POU2F3: variants seen among roughly 807,000 people sequenced by gnomAD.
POU2F3 encodes POU domain, class 2, transcription factor 3.
Under a neutral mutation model 59.2 loss-of-function variants are expected in POU2F3, and 23 were observed. The observed-to-expected ratio is 0.39, with a 90% CI of 0.28 to 0.55. POU2F3 has a LOEUF of 0.55. POU2F3 is among the 20% of genes least tolerant of loss of function. POU2F3 has a pLI of 0.66. For synonymous variants in POU2F3, 190 were observed against 214.6 expected (o/e 0.89, Z 1.00); for missense variants, 473 against 544.5 (o/e 0.87, Z 1.31).
intron 10 of POU2F3, among the ~76,000 whole-genome samples, chr11:120,311,956 C>A (rs1941660222): frequency 6.6e-6 from 1 of 151,996 alleles, no homozygotes; most frequent in Non-Finnish European, 1.5e-5. Flanking sequence ...AGGAATGAGC[C>A]CCATAGGAGT....
In POU2F3 at chr11:120,317,059, G is replaced by A. The variant is rs1042774360; in HGVS notation, c.1136-170G>A. 7.4e-5 allele frequency: 53 copies of A among 716,494 alleles called. 1 individual carries two copies. Among genetic ancestry groups the A allele is most frequent in the Middle Eastern group, 3.1e-4 (1 of 3,216 alleles). 44.4% of individuals were successfully genotyped at this position (716,494 alleles called of 1,614,324 possible). A position where few individuals can be genotyped will look rare whatever the true frequency, so the allele number is the denominator to read the frequency against. ...GTGACGACAGCCCCTCTGGGTGTGGGCAGAAGTTGATGCTAATGAGGCAGG... is the reference window on the plus strand; with the variant it reads ...GTGACGACAGCCCCTCTGGGTGTGGACAGAAGTTGATGCTAATGAGGCAGG... On this transcript the variant is annotated intron_variant, in intron 11 of 12. Coordinates refer to ENST00000543440, the MANE Select transcript of POU2F3 (RefSeq NM_014352.4).
upstream of POU2F3, among the ~76,000 whole-genome samples, chr11:120,239,982 G>A (rs980174710): frequency 6.6e-6 from 1 of 152,206 alleles, no homozygotes; most frequent in Admixed American, 6.5e-5. Flanking sequence ...TGTTCCGCGG[G>A]ATCGAGACCC....
At chr11:120,255,314 C>G (rs998965829) in intron 2 of POU2F3, among the ~76,000 whole-genome samples, 5 of 152,162 alleles carry the variant, frequency 3.3e-5, no homozygotes, top group African/African-American at 1.2e-4. Context: ...GGGGGCTTGC[C>G]TTCCCTTCAG....
chr11:120,302,368 G>A lies in POU2F3; in HGVS notation c.444G>A (p.Gln148=). The A allele has an allele frequency of 6.3e-7, 1 of 1,594,870 alleles. No individual in the cohort carries two copies. Among genetic ancestry groups the A allele is most frequent in the East Asian group, 2.2e-5 (1 of 44,778 alleles). ...LPQTGPGLAS[Q]AFGHPGLPGS... ...AGACTGGGCCGGGACTGGCATCCCA[G>A]GTAAACAACCCCATTCTTCCTGTTT... Residue 148 remains glutamine, a splice_region_variant and synonymous_variant, in exon 6 of 13, where the codon CAG becomes CAA. Transcript: ENST00000543440.
At chr11:120,307,903 C>T (rs1941543747) in intron 9 of POU2F3, among the ~76,000 whole-genome samples, 1 of 152,162 alleles carries the variant, frequency 6.6e-6, no homozygotes, top group Non-Finnish European at 1.5e-5. Context: ...GCTATAGGGT[C>T]CCAGAACACA....
chr11:120,298,186 C>G, intron 3 of POU2F3, 79 bp from the exon 4 acceptor site: 1 of 1,498,586 alleles, frequency 6.7e-7, no homozygotes, highest in Non-Finnish European at 9.0e-7. Context: ...CCTTTCCTGC[C>G]TGGATCTTCC....
At chr11:120,255,294 T>A (rs1357178882) in intron 2 of POU2F3, among the ~76,000 whole-genome samples, 1 of 152,146 alleles carries the variant, frequency 6.6e-6, no homozygotes, top group East Asian at 1.9e-4. Context: ...ACACTCCACC[T>A]GCCCCAGTAG....
intron 10 of POU2F3, 86 bp from the exon 11 acceptor site, chr11:120,315,275 G>A (rs1164779410): frequency 3.2e-6 from 4 of 1,253,912 alleles, no homozygotes; most frequent in Non-Finnish European, 4.7e-6. Context: ...TCTCTGTAGA[G>A]TCTGGGGCCT....
chr11:120,288,148 A>AC (rs1555076872), intron 3 of POU2F3, among the ~76,000 whole-genome samples: 17 of 146,474 alleles, frequency 1.2e-4, no homozygotes, highest in Non-Finnish European at 1.9e-4. Flanking sequence ...AAAAAAAAAA[A>AC]CAAGAAAAAA....
At chr11:120,242,134 C>T (rs377498312) in intron 1 of POU2F3, among the ~76,000 whole-genome samples, 2 of 152,180 alleles carry the variant, frequency 1.3e-5, no homozygotes, top group Non-Finnish European at 2.9e-5. Context: ...CCCATTCCCC[C>T]CTCAGGGCTA....
intron 10 of POU2F3, among the ~76,000 whole-genome samples, chr11:120,313,121 T>A (rs1941692547): frequency 6.6e-6 from 1 of 152,138 alleles, no homozygotes; most frequent in Non-Finnish European, 1.5e-5. Context: ...ACTTGGGTCA[T>A]GTCATAGGAA....
At chr11:120,261,080 G>C (rs1939574222) in intron 2 of POU2F3, among the ~76,000 whole-genome samples, 1 of 151,572 alleles carries the variant, frequency 6.6e-6, no homozygotes, top group South Asian at 2.1e-4. Flanking sequence ...AAACAGAAAA[G>C]ATTCCAAGAA....
intron 6 of POU2F3, chr11:120,303,032 C>T (rs981903671): frequency 6.6e-6 from 1 of 152,396 alleles, no homozygotes; most frequent in African/African-American, 2.4e-5. Flanking sequence ...ATCTGGGTGC[C>T]CCTGTACAGT....
intron 3 of POU2F3, among the ~76,000 whole-genome samples, chr11:120,297,777 AT>A (rs1007023061): frequency 3.2e-4 from 49 of 150,782 alleles, no homozygotes; most frequent in African/African-American, 6.6e-4. Context: ...AATTTAATCC[AT>A]TTTTTTTTAA....
At chr11:120,302,101 C>T (rs1941364122) in intron 5 of POU2F3, 185 bp from the exon 6 acceptor site, 2 of 584,694 alleles carry the variant, frequency 3.4e-6, no homozygotes, top group Non-Finnish European at 3.1e-6. Context: ...GATTTGCCTC[C>T]ACCTGTATGT....
At chr11:120,248,789 G>C (rs1938974453) in intron 2 of POU2F3, among the ~76,000 whole-genome samples, 1 of 152,196 alleles carries the variant, frequency 6.6e-6, no homozygotes, top group South Asian at 2.1e-4. Context: ...CTGGAAAGTC[G>C]TTCTGACTCA....
intron 3 of POU2F3, among the ~76,000 whole-genome samples, chr11:120,294,094 C>A (rs1941118364): frequency 6.6e-6 from 1 of 152,182 alleles, no homozygotes; most frequent in South Asian, 2.1e-4. Flanking sequence ...TTGGAAGGGG[C>A]TCTCTCCTTC....
At position 120,315,398 on chromosome 11, in the gene POU2F3, C is replaced by T. The variant is rs773165713; in HGVS notation, c.1106C>T (p.Pro369Leu). Residue 369 changes from proline (P) to leucine (L), a missense_variant, in exon 11 of 13, where the codon CCT (proline) becomes CTT (leucine). Transcript: ENST00000543440. Reference sequence around the variant, plus strand: ...GGGTCTCTGGGCCCCCTCTCTGTCCCTCCTGTCCACAGTACCATGCCTGGA... The same window carrying T: ...GGGTCTCTGGGCCCCCTCTCTGTCCTTCCTGTCCACAGTACCATGCCTGGA... ...PSGSLGPLSV[P>L]PVHSTMPGTV... is the part of the protein sequence containing the mutation. 5.0e-6 allele frequency: 8 copies of T among 1,613,736 alleles called. No homozygotes were observed. Among genetic ancestry groups the T allele is most frequent in the South Asian group, 4.4e-5 (4 of 91,062 alleles).
chr11:120,311,626 A>T (rs1489791788), intron 10 of POU2F3, among the ~76,000 whole-genome samples: 1 of 152,184 alleles, frequency 6.6e-6, no homozygotes, highest in African/African-American at 2.4e-5. Context: ...TTCAGTTCTT[A>T]TGTCATCATG....
Sources: allele counts gnomAD v4.1 joint callset (sites outside exome capture counted in the v4.1 genomes callset), GRCh38; gene constraint gnomAD v4.1.1; transcripts MANE v1.5; gene names NCBI Gene and HGNC (gene_info 2026-07-23, HGNC 2026-07-21).